COLGALT1: variants seen among roughly 807,000 people sequenced by gnomAD.
The protein encoded by COLGALT1 is collagen beta(1-O)galactosyltransferase 1, also known as procollagen galactosyltransferase 1.
COLGALT1 carries 43 observed loss-of-function variants against 60.8 expected under a neutral mutation model. The ratio of observed to expected loss-of-function variants is 0.71; its 90% CI spans 0.55 to 0.91. COLGALT1 has a LOEUF of 0.91. COLGALT1 is among the 40% of genes least tolerant of loss of function. COLGALT1 has a pLI of 0.00. For missense variants in COLGALT1, 845 were observed against 880.0 expected (o/e 0.96, Z 0.50); for synonymous variants, 369 against 374.2 (o/e 0.99, Z 0.16).
At position 17,578,109 on chromosome 19, in the gene COLGALT1, C is replaced by A; in HGVS notation, c.1266+20C>A. 2 of 1,580,888 alleles carry A rather than the reference C, an allele frequency of 1.3e-6. No homozygotes were observed. The highest frequency in any genetic ancestry group is 1.7e-6 in the Non-Finnish European group (2 of 1,162,238). On this transcript the variant is annotated intron_variant, in intron 9 of 11. Coordinates refer to ENST00000252599, the MANE Select transcript of COLGALT1 (RefSeq NM_024656.4). ...AAGGAGGTGTGTCCTGAGTGATGGGCGGGGCCAGAGTTATGACTCTAGATC... is the reference window on the plus strand; with the variant it reads ...AAGGAGGTGTGTCCTGAGTGATGGGAGGGGCCAGAGTTATGACTCTAGATC...
chr19:17,560,295 G>T (rs754616765), intron 2 of COLGALT1, 53 bp from the exon 3 acceptor site: 1 of 1,492,368 alleles, frequency 6.7e-7, no homozygotes, highest in Non-Finnish European at 9.3e-7. Flanking sequence ...TCAGGCCCTC[G>T]CTGGGCTTTG....
intron 5 of COLGALT1, among the ~76,000 whole-genome samples, chr19:17,570,068 T>C (rs1417096166): frequency 6.6e-6 from 1 of 151,878 alleles, no homozygotes; most frequent in African/African-American, 2.4e-5. Context: ...CTAATTTTTG[T>C]ATTTTTAGTA....
chr19:17,564,620 G>T (rs1169215195), intron 3 of COLGALT1, among the ~76,000 whole-genome samples: 2 of 151,900 alleles, frequency 1.3e-5, no homozygotes, highest in Non-Finnish European at 2.9e-5. Flanking sequence ...GTTTCGCCAT[G>T]TTGGCCAGGC....
chr19:17,558,494 A>G (rs1286506003), intron 1 of COLGALT1, among the ~76,000 whole-genome samples: 3 of 148,270 alleles, frequency 2.0e-5, no homozygotes, highest in South Asian at 2.3e-4. Context: ...CCTGGCCAAC[A>G]TGGCGAAACC....
intron 9 of COLGALT1, 122 bp downstream of exon 9, chr19:17,578,211 GA>G: frequency 8.8e-7 from 1 of 1,130,028 alleles, no homozygotes; most frequent in South Asian, 2.1e-5. Context: ...TCAGCCATGG[GA>G]CCCATGGCCT....
At chr19:17,566,655 C>G (rs958859258) in intron 3 of COLGALT1, among the ~76,000 whole-genome samples, 8 of 152,090 alleles carry the variant, frequency 5.3e-5, no homozygotes, top group African/African-American at 1.9e-4. Flanking sequence ...ATTATCTAGG[C>G]ATGGTGACGT....
At chr19:17,580,633 T>C in intron 10 of COLGALT1, 66 bp from the exon 11 acceptor site, 1 of 1,555,612 alleles carries the variant, frequency 6.4e-7, no homozygotes, top group Non-Finnish European at 8.8e-7. Context: ...ACTAGATCCC[T>C]GGCTTTCTGG....
intron 1 of COLGALT1, 142 bp from the exon 2 acceptor site, chr19:17,559,169 C>G (rs896206878): frequency 1.5e-6 from 1 of 669,514 alleles, no homozygotes; most frequent in Non-Finnish European, 2.8e-6. Context: ...CAAAAAAAAA[C>G]AAAGGAAAGG....
chr19:17,565,163 CTT>C (rs1440047230), intron 3 of COLGALT1, among the ~76,000 whole-genome samples: 1 of 3,532 alleles, frequency 2.8e-4, no homozygotes, highest in East Asian at 2.6e-3. Context: ...GCTGTTGAGA[CTT>C]TTTTTTTGAG....
chr19:17,580,714 G>A lies in COLGALT1; in HGVS notation c.1410G>A (p.Lys470=). The change falls in exon 11 of 12, where the codon AAG becomes AAA. Residue 470 remains lysine, a synonymous_variant. Transcript: ENST00000252599. ...TGCACCCCAGCTATGTGGGCCGGAA[G>A]CGGATGCAGGTGGAGCACCCCGAGA... ...LDWDLIYVGR[K]RMQVEHPEKA... 1 of 1,614,034 alleles carries A rather than the reference G, an allele frequency of 6.2e-7. No individual in the cohort carries two copies. The highest frequency in any genetic ancestry group is 8.5e-7 in the Non-Finnish European group (1 of 1,180,030).
At chr19:17,564,323 G>A (rs954361488) in intron 3 of COLGALT1, among the ~76,000 whole-genome samples, 1 of 149,270 alleles carries the variant, frequency 6.7e-6, no homozygotes, top group Non-Finnish European at 1.5e-5. Flanking sequence ...ACGTGTATAT[G>A]TATATATATC....
intron 10 of COLGALT1, 111 bp from the exon 11 acceptor site, chr19:17,580,588 C>A: frequency 9.9e-7 from 1 of 1,013,736 alleles, no homozygotes; most frequent in Non-Finnish European, 1.5e-6. Context: ...TGCAAACATG[C>A]TGAGCCTGCT....
At chr19:17,560,007 C>T (rs910871627) in intron 2 of COLGALT1, among the ~76,000 whole-genome samples, 3 of 152,130 alleles carry the variant, frequency 2.0e-5, no homozygotes, top group African/African-American at 7.2e-5. Context: ...CCAGGCTGGT[C>T]TCAAAGTGCT....
At position 17,568,542 on chromosome 19, in the gene COLGALT1, A is replaced by T. The variant is rs776085467; in HGVS notation, c.658A>T (p.Ile220Phe). ...CAAGCGCACACCTGCCTACATCCCTATCCGCAAGCGAGACCGCCGGGGCTG... is the reference window on the plus strand; with the variant it reads ...CAAGCGCACACCTGCCTACATCCCTTTCCGCAAGCGAGACCGCCGGGGCTG... ...YYKRTPAYIP[I>F]RKRDRRGCFA... Residue 220 changes from isoleucine (I) to phenylalanine (F), a missense_variant, in exon 5 of 12, where the codon ATC becomes TTC. Ile to Phe is a conservative substitution (Grantham distance 21). Coordinates refer to ENST00000252599, the MANE Select transcript of COLGALT1 (RefSeq NM_024656.4). 1.8e-5 allele frequency: 29 copies of T among 1,614,130 alleles called. No individual in the cohort carries two copies. Among genetic ancestry groups the T allele is most frequent in the Non-Finnish European group, 2.5e-5 (29 of 1,180,012 alleles).
Position 17,581,173 on chromosome 19 carries a change from C to G in COLGALT1, c.1602-4C>G, listed in dbSNP as rs750227448. ...GCCCCTCACTCCCCTCCTCCTCCCC[C>G]CAGGTCCGAGTACAAGGCCCACTTC... On this transcript the variant is annotated splice_region_variant and splice_polypyrimidine_tract_variant and intron_variant, in intron 11 of 11. Transcript: ENST00000252599. The G allele has an allele frequency of 5.6e-6, 9 of 1,605,692 alleles. No individual in the cohort carries two copies. The highest frequency in any genetic ancestry group is 2.2e-5 in the East Asian group (1 of 44,840).
At chr19:17,579,389 G>C (rs114538284) in intron 9 of COLGALT1, 93 bp from the exon 10 acceptor site, 2 of 1,553,850 alleles carry the variant, frequency 1.3e-6, no homozygotes, top group Non-Finnish European at 1.8e-6. Context: ...GCTTCTCTAC[G>C]GGTCTTTCAA....
At chr19:17,560,729 A>C (rs1291380540) in intron 3 of COLGALT1, among the ~76,000 whole-genome samples, 1 of 151,790 alleles carries the variant, frequency 6.6e-6, no homozygotes, top group East Asian at 2.0e-4. Flanking sequence ...GGTCAAGTCC[A>C]TTTTTATTTT....
In COLGALT1 at chr19:17,580,752, G is replaced by A. The variant is rs780452836; in HGVS notation, c.1448G>A (p.Arg483His). ...GAGCACCCCGAGAAGGCTGTGCCTC[G>A]CGTGAGGAACCTGGTGGAGGCCGAC... ...QVEHPEKAVP[R>H]VRNLVEADYS... Residue 483 changes from arginine to histidine, a missense_variant, in exon 11 of 12, where the codon CGC becomes CAC. Physicochemically the swap from Arg to His is conservative, Grantham distance 29 (BLOSUM62 0). Transcript: ENST00000252599. 3.1e-6 allele frequency: 5 copies of A among 1,613,966 alleles called. No homozygotes were observed. The highest frequency in any genetic ancestry group is 4.2e-6 in the Non-Finnish European group (5 of 1,180,012).
intron 1 of COLGALT1, chr19:17,556,675 C>A (rs548293603): frequency 2.9e-4 from 85 of 294,922 alleles, no homozygotes; most frequent in African/African-American, 1.8e-3. Context: ...ATTTGGGAGG[C>A]CAAGGTAAGC....
Sources: gnomAD v4.1 joint callset for allele counts (sites outside exome capture counted in the v4.1 genomes callset) on GRCh38, gnomAD v4.1.1 for gene constraint, MANE v1.5 for transcripts, NCBI Gene and HGNC (gene_info 2026-07-23, HGNC 2026-07-21) for gene names.